OCRL: variants seen among roughly 807,000 people sequenced by gnomAD.
The protein encoded by OCRL is OCRL inositol polyphosphate-5-phosphatase.
OCRL carries 8 observed loss-of-function variants against 78.9 expected under a neutral mutation model. That is an observed-to-expected ratio of 0.10 (90% CI 0.06 to 0.18). The LOEUF is 0.18. OCRL is among the 10% of genes least tolerant of loss of function. OCRL has a pLI of 1.00. For synonymous variants in OCRL, 240 were observed against 235.4 expected, an observed-to-expected ratio of 1.02 and a Z score of -0.18; for missense variants, 454 against 696.7, an observed-to-expected ratio of 0.65 and a Z score of 3.92.
chrX:129,540,831 A>AC lies in OCRL; in HGVS notation c.119+10dup, dbSNP rs766541966. 5.0e-6 allele frequency: 6 copies of AC among 1,188,804 alleles called. No homozygotes were observed. ...GAGGAACGGGCAATATGAGTAAGTAACCACCTGATTCCCACAGAGGAGGGG... is the reference window on the plus strand; with the variant it reads ...GAGGAACGGGCAATATGAGTAAGTAACCCACCTGATTCCCACAGAGGAGGGG... On this transcript the variant is annotated intron_variant, in intron 2 of 23. Transcript: ENST00000371113.
chrX:129,555,126 C>T (rs1479219060), intron 4 of OCRL, among the ~76,000 whole-genome samples: 2 of 110,101 alleles, frequency 1.8e-5, no homozygotes, highest in Non-Finnish European at 3.8e-5. Flanking sequence ...GGCTTCACCT[C>T]CAGAGGTTCT....
chrX:129,565,602 C>T lies in OCRL; in HGVS notation c.1245-170C>T, dbSNP rs180823015. ...CTATTTTGTAATCCATTGTCTCTCT[C>T]AGGTGTTGATAGTAGTTGCCCTCAA... is the stretch of plus-strand genomic sequence containing the variant. On this transcript the variant is annotated intron_variant, in intron 12 of 23. Transcript: ENST00000371113. Among the ~76,000 whole-genome samples the T allele has an allele frequency of 7.5e-3, 842 of 112,219 alleles. 8 individuals carry two copies. The highest frequency in any genetic ancestry group is 0.011 in the Non-Finnish European group (601 of 53,230).
At position 129,555,403 on chromosome X, in the gene OCRL, G is replaced by A. The variant is rs577245195; in HGVS notation, c.239-1922G>A. On this transcript the variant is annotated intron_variant, in intron 4 of 23. Coordinates refer to ENST00000371113, the MANE Select transcript of OCRL (RefSeq NM_000276.4). Reference sequence around the variant, plus strand: ...TGCAGGAGAATTGCTTGAACCCAGGGGACGAGGTTGCAGTGAGCCGAGATC... The same window carrying A: ...TGCAGGAGAATTGCTTGAACCCAGGAGACGAGGTTGCAGTGAGCCGAGATC... Among the ~76,000 whole-genome samples the A allele has an allele frequency of 1.2e-4, 13 of 111,314 alleles. No homozygotes were observed. The South Asian group carries it at 4.2e-3, about 36-fold the overall frequency.
intron 14 of OCRL, 25 bp from the exon 15 acceptor site, chrX:129,569,239 T>C (rs764994713): frequency 4.1e-6 from 5 of 1,207,270 alleles, no homozygotes. Flanking sequence ...TATGTTCTCT[T>C]TATAACTCGT....
intron 9 of OCRL, among the ~76,000 whole-genome samples, chrX:129,560,852 G>T (rs181121139): frequency 8.9e-6 from 1 of 112,650 alleles, no homozygotes; most frequent in Admixed American, 9.4e-5. Flanking sequence ...CTTGAAACCC[G>T]TAGGAATCTA....
Position 129,565,773 on chromosome X carries a change from G to A in OCRL, c.1246G>A (p.Val416Ile). Residue 416 changes from valine to isoleucine, a missense_variant and splice_region_variant, in exon 13 of 24, where the codon GTT (valine) becomes ATT (isoleucine). Physicochemically the swap from Val to Ile is conservative, Grantham distance 29. Coordinates refer to ENST00000371113, the MANE Select transcript of OCRL (RefSeq NM_000276.4). ...TTCATACATTTTTTTGATCCTTAGG[G>A]TTGTCATTTGGTTGGGAGATTTGAA... ...LPQLNIMKHEVVIWLGDLNYR... is the reference protein window; with the variant it reads ...LPQLNIMKHEIVIWLGDLNYR... The A allele has an allele frequency of 8.4e-7, 1 of 1,193,677 alleles. No individual in the cohort carries two copies. The highest frequency in any genetic ancestry group is 1.1e-6 in the Non-Finnish European group (1 of 879,606).
chrX:129,591,394 G>C lies in OCRL; in HGVS notation c.*1124G>C, dbSNP rs1484525815. 8.9e-6 allele frequency: 1 copy of C among 112,078 alleles called. No homozygotes were observed. Among genetic ancestry groups the C allele is most frequent in the Non-Finnish European group, 1.9e-5 (1 of 53,218 alleles). 9.2% of individuals were successfully genotyped at this position (112,078 alleles called of 1,213,427 possible). On this transcript the variant is annotated 3_prime_UTR_variant, in exon 24 of 24. Coordinates refer to ENST00000371113, the MANE Select transcript of OCRL (RefSeq NM_000276.4). ...TCCCAGTCACCATATCCAGTGTTGT[G>C]TAAAGAGACTGGCCAACAGGACCAA...
At chrX:129,545,457 C>G (rs1483523249) in intron 3 of OCRL, among the ~76,000 whole-genome samples, 2 of 112,533 alleles carry the variant, frequency 1.8e-5, no homozygotes, top group Non-Finnish European at 3.8e-5. Context: ...GGCAACATGC[C>G]TTGCCAGACT....
intron 10 of OCRL, among the ~76,000 whole-genome samples, chrX:129,561,505 C>T (rs767124178): frequency 1.8e-5 from 2 of 111,260 alleles, no homozygotes; most frequent in East Asian, 5.6e-4. Context: ...GCTTAGATAG[C>T]TTTTAGGGGA....
chrX:129,579,670 T>TA (rs1936417012), intron 18 of OCRL, among the ~76,000 whole-genome samples: 1 of 112,256 alleles, frequency 8.9e-6, no homozygotes, highest in African/African-American at 3.2e-5. Flanking sequence ...CTACCATTTG[T>TA]AATCATCTTT....
At chrX:129,551,591 T>C (rs1935961006) in intron 4 of OCRL, among the ~76,000 whole-genome samples, 1 of 111,508 alleles carries the variant, frequency 9.0e-6, no homozygotes, top group East Asian at 2.8e-4. Context: ...CCTGCCACCA[T>C]GCCTGGCTAA....
At position 129,557,902 on chromosome X, in the gene OCRL, A is replaced by G. The variant is rs1602781219; in HGVS notation, c.391A>G (p.Ser131Gly). Residue 131 changes from serine (S) to glycine (G), a missense_variant, in exon 6 of 24, where the codon AGC becomes GGC. By Grantham distance (56) the Ser-to-Gly change is moderately conservative (BLOSUM62 0). This residue lies in a region of OCRL where 177 missense variants were observed against 179.6 expected (regional missense o/e 0.99). Transcript: ENST00000371113. The part of the protein sequence containing the change: ...LLVPEQKDSS[S>G]WYQKLDTKDK... ...TGTTCCAGAGCAAAAGGACTCATCT[A>G]GCTGGTACCAGAAATTAGACACTAA... The G allele has an allele frequency of 3.3e-6, 4 of 1,204,747 alleles. No individual in the cohort carries two copies. The East Asian group carries it at 8.9e-5, about 27-fold the overall frequency.
intron 22 of OCRL, chrX:129,589,537 A>G (rs986827001): frequency 5.8e-6 from 2 of 344,155 alleles, no homozygotes; most frequent in Non-Finnish European, 1.0e-5. Flanking sequence ...CCGTGGCTAC[A>G]TGCCTACGGA....
intron 3 of OCRL, among the ~76,000 whole-genome samples, chrX:129,547,283 T>C (rs1271497065): frequency 4.5e-5 from 5 of 109,964 alleles, no homozygotes; most frequent in Middle Eastern, 4.2e-3. Flanking sequence ...CCCAGCACTT[T>C]GGGAGGCCAA....
Position 129,590,136 on chromosome X carries a change from C to T in OCRL, c.2582-10C>T, listed in dbSNP as rs1214211630. 3.3e-6 allele frequency: 4 copies of T among 1,211,501 alleles called. No homozygotes were observed. The highest frequency in any genetic ancestry group is 2.2e-5 in the Admixed American group (1 of 45,995). On this transcript the variant is annotated splice_polypyrimidine_tract_variant and intron_variant, in intron 23 of 23. Coordinates refer to ENST00000371113, the MANE Select transcript of OCRL (RefSeq NM_000276.4). Reference sequence around the variant, plus strand: ...CAGAAGTTTCCGCTTGTCTTTCTCTCGTCTTGTAGCTACTCTCTTCACTAG... The same window carrying T: ...CAGAAGTTTCCGCTTGTCTTTCTCTTGTCTTGTAGCTACTCTCTTCACTAG...
At chrX:129,557,233 C>A in intron 4 of OCRL, 92 bp from the exon 5 acceptor site, 2 of 735,116 alleles carry the variant, frequency 2.7e-6, no homozygotes, top group Non-Finnish European at 4.2e-6. Flanking sequence ...GTGATCTGGA[C>A]CTTCTTCTGT....
intron 18 of OCRL, among the ~76,000 whole-genome samples, chrX:129,583,492 C>G (rs1270323403): frequency 2.7e-5 from 3 of 111,723 alleles, no homozygotes; most frequent in Non-Finnish European, 5.6e-5. Context: ...GCTTTCAGAG[C>G]CTCAGTTTCT....
chrX:129,541,094 T>C (rs966669862), intron 2 of OCRL, among the ~76,000 whole-genome samples: 1 of 112,217 alleles, frequency 8.9e-6, no homozygotes, highest in Non-Finnish European at 1.9e-5. Context: ...GCAACTGACA[T>C]GTGTTGTGTA....
intron 18 of OCRL, among the ~76,000 whole-genome samples, chrX:129,582,197 C>T (rs1304761745): frequency 2.7e-5 from 3 of 111,060 alleles, no homozygotes; most frequent in Admixed American, 9.7e-5. Flanking sequence ...AATATTCTCT[C>T]CCCATCTCTA....
Sources: allele counts gnomAD v4.1 joint callset (sites outside exome capture counted in the v4.1 genomes callset), GRCh38; gene constraint gnomAD v4.1.1; regional missense constraint gnomAD v4.1.1; transcripts MANE v1.5; gene names NCBI Gene and HGNC (gene_info 2026-07-23, HGNC 2026-07-21).